ATXN2L: variants seen among roughly 807,000 people sequenced by gnomAD.
ATXN2L encodes ataxin-2-like protein.
A neutral mutation model predicts 120.7 loss-of-function variants in ATXN2L; 24 were observed. The ratio of observed to expected loss-of-function variants is 0.20; its 90% confidence interval spans 0.14 to 0.28. The LOEUF (loss-of-function observed/expected upper bound fraction) is 0.28. Among genes scored for constraint, ATXN2L ranks in the 10% least tolerant of loss-of-function variants. The pLI is 1.00. For synonymous variants in ATXN2L, 653 were observed against 568.1 expected (o/e 1.15, Z -2.13); for missense variants, 1,312 against 1,432.3 (o/e 0.92, Z 1.36).
intron 1 of ATXN2L, 73 bp downstream of exon 1, chr16:28,823,631 C>T (rs1567391005): frequency 6.4e-6 from 8 of 1,242,598 alleles, no homozygotes; most frequent in Non-Finnish European, 8.1e-6. Flanking sequence ...GTGGGGCGGA[C>T]CCCGACCCGG....
At chr16:28,829,745 G>A (rs1458993108) in intron 7 of ATXN2L, 113 bp from the exon 8 acceptor site, 14 of 1,156,956 alleles carry the variant, frequency 1.2e-5, no homozygotes, top group Non-Finnish European at 1.7e-5. Context: ...ATGTTGAAGG[G>A]ATTAAATACT....
In ATXN2L at chr16:28,825,484, G is replaced by A. The variant is rs2051543503; in HGVS notation, c.336+82G>A. 3 of 1,542,268 alleles carry A rather than the reference G, an allele frequency of 1.9e-6. 1 individual carries two copies. The African/African-American group carries it at 4.1e-5, about 21-fold the overall frequency. The stretch of plus-strand genomic sequence containing the variant: ...GGGAATATAGGGCACATTAGGTCTA[G>A]ATAGAGTCTAATGTACTCAGGAGGG... On this transcript the variant is annotated intron_variant, in intron 2 of 21. Coordinates refer to ENST00000336783, the MANE Select transcript of ATXN2L (RefSeq NM_007245.4).
At chr16:28,825,568 A>T (rs1438728734) in intron 2 of ATXN2L, 56 bp from the exon 3 acceptor site, 6 of 1,585,822 alleles carry the variant, frequency 3.8e-6, no homozygotes, top group Non-Finnish European at 5.2e-6. Flanking sequence ...TTTAGAAAAG[A>T]AAATGAGGTG....
rs1380764213 is a variant in ATXN2L at position 28,834,077 on chromosome 16, A to G, written c.2038A>G (p.Ser680Gly). The G allele has an allele frequency of 6.2e-7, 1 of 1,613,402 alleles. No homozygotes were observed. Among genetic ancestry groups the G allele is most frequent in the African/African-American group, 1.3e-5 (1 of 74,884 alleles). ...KPLLSVNKSTSTPTSPGPRTH... is the reference protein window; with the variant it reads ...KPLLSVNKSTGTPTSPGPRTH... Reference sequence around the variant, plus strand: ...CTTGTTTTTGCAGAATAAATCCACCAGTACCCCAACTTCTCCGGGGCCCCG... The same window carrying G: ...CTTGTTTTTGCAGAATAAATCCACCGGTACCCCAACTTCTCCGGGGCCCCG... The change falls in exon 16 of 22, where the codon AGT becomes GGT. Residue 680 changes from serine to glycine, a missense_variant. Transcript: ENST00000336783.
At chr16:28,826,456 G>A (rs2052017165) in intron 5 of ATXN2L, 66 bp downstream of exon 5, 1 of 1,542,158 alleles carries the variant, frequency 6.5e-7, no homozygotes, top group Non-Finnish European at 8.9e-7. Context: ...TAGTTTGTGT[G>A]CAGGTGGAAC....
rs756972784 is a variant in ATXN2L at position 28,832,877 on chromosome 16, C to A, written c.1649C>A (p.Ala550Asp). Residue 550 changes from alanine (A) to aspartate (D), a missense_variant, in exon 13 of 22, where the codon GCC becomes GAC. Ala to Asp is a moderately radical substitution (Grantham distance 126). Transcript: ENST00000336783. Reference protein sequence around the residue: ...FQLEELRKFGAQFKLQPSSSP... With the variant: ...FQLEELRKFGDQFKLQPSSSP... ...CTGGAAGAACTGAGAAAGTTTGGGG[C>A]CCAGTTTAAGGTGAGAGAAGAGTGA... is the stretch of plus-strand genomic sequence containing the variant. 6.2e-7 allele frequency: 1 copy of A among 1,614,048 alleles called. No individual in the cohort carries two copies. The highest frequency in any genetic ancestry group is 1.1e-5 in the South Asian group (1 of 91,080).
intron 8 of ATXN2L, among the ~76,000 whole-genome samples, chr16:28,830,391 G>A (rs750433965): frequency 6.6e-6 from 1 of 152,190 alleles, no homozygotes; most frequent in East Asian, 1.9e-4. Context: ...GAATTGTGGA[G>A]CACTGGCCAG....
At position 28,836,865 on chromosome 16, in the gene ATXN2L, GCCC is replaced by G; in HGVS notation, c.*604_*606del. Reference sequence around the variant, plus strand: ...CCCCCAGCAGCTCGGACCACTCCCAGCCCCCCATCCCCCCGTTCCCCAGGGGAG... The same window carrying G: ...CCCCCAGCAGCTCGGACCACTCCCAGCCCATCCCCCCGTTCCCCAGGGGAG... On this transcript the variant is annotated 3_prime_UTR_variant, in exon 22 of 22. Transcript: ENST00000336783. 2.8e-6 allele frequency: 4 copies of G among 1,406,088 alleles called. No homozygotes were observed. The highest frequency in any genetic ancestry group is 3.0e-6 in the Non-Finnish European group (3 of 1,006,272). The allele number at this position is 1,406,088 out of a possible 1,614,324, so 87.1% of individuals were successfully genotyped here.
In ATXN2L at chr16:28,830,779, G is replaced by A; in HGVS notation, c.1199G>A (p.Gly400Asp). 6.2e-7 allele frequency: 1 copy of A among 1,602,694 alleles called. No individual in the cohort carries two copies. The highest frequency in any genetic ancestry group is 8.5e-7 in the Non-Finnish European group (1 of 1,175,408). The change falls in exon 9 of 22, where the codon GGT becomes GAT. Residue 400 changes from glycine to aspartate, a missense_variant. Gly to Asp is a moderately conservative substitution (Grantham distance 94). Coordinates refer to ENST00000336783, the MANE Select transcript of ATXN2L (RefSeq NM_007245.4). ...SSPGPGSEAR[G>D]INGGPSRMSP... ...CCTGGCCCAGGTTCTGAGGCCCGTGGTATCAATGGAGGTGAGTTATGAGGT... is the reference window on the plus strand; with the variant it reads ...CCTGGCCCAGGTTCTGAGGCCCGTGATATCAATGGAGGTGAGTTATGAGGT...
chr16:28,830,715 T>G lies in ATXN2L; in HGVS notation c.1135T>G (p.Leu379Val). The change falls in exon 9 of 22, where the codon TTG becomes GTG. Residue 379 changes from leucine to valine, a missense_variant. Leu to Val is a conservative substitution (Grantham distance 32, BLOSUM62 1). Coordinates refer to ENST00000336783, the MANE Select transcript of ATXN2L (RefSeq NM_007245.4). ...SRGGRPGLSS[L>V]PPRGPHHLDN... ...GGGCGGTCGGCCTGGCCTTAGCTCT[T>G]TGCCACCTCGTGGCCCTCACCATCT... is the stretch of plus-strand genomic sequence containing the variant. 6 of 1,613,778 alleles carry G rather than the reference T, an allele frequency of 3.7e-6. No individual in the cohort carries two copies. Among genetic ancestry groups the G allele is most frequent in the Non-Finnish European group, 5.1e-6 (6 of 1,179,910 alleles).
At position 28,834,215 on chromosome 16, in the gene ATXN2L, T is replaced by C. The variant is rs1567430975; in HGVS notation, c.2172+4T>C. ...CCACATGGGACCAGCTGTGCAGGTA[T>C]GCAGAGAGACTGGCCGGGCCCAGGG... On this transcript the variant is annotated splice_donor_region_variant and intron_variant, in intron 16 of 21. Transcript: ENST00000336783. 1 of 1,613,072 alleles carries C rather than the reference T, an allele frequency of 6.2e-7. No individual in the cohort carries two copies. The highest frequency in any genetic ancestry group is 1.7e-5 in the Admixed American group (1 of 59,970).
chr16:28,823,750 C>G, intron 1 of ATXN2L, 192 bp downstream of exon 1: 1 of 523,734 alleles, frequency 1.9e-6, no homozygotes, highest in African/African-American at 2.0e-5. Context: ...CACCGGAGCA[C>G]TGAGGGGCCG....
chr16:28,833,891 CT>C (rs1316558042), intron 15 of ATXN2L, 173 bp from the exon 16 acceptor site: 7 of 794,236 alleles, frequency 8.8e-6, no homozygotes, highest in African/African-American at 1.8e-5. Flanking sequence ...TCTGCCTCAC[CT>C]GTAACTTTAG....
chr16:28,835,383 C>T lies in ATXN2L; in HGVS notation c.2669C>T (p.Ala890Val). ...TGSQPQSQHA[A>V]PSPVQHQAGQ... is the part of the protein sequence containing the mutation. ...AGCCAGCCGCAGTCCCAGCATGCGG[C>T]CCCCAGTCCTGTCCAGGTGCCTGCC... Residue 890 changes from alanine (A) to valine (V), a missense_variant, in exon 20 of 22, where the codon GCC (alanine) becomes GTC (valine). Transcript: ENST00000336783. The T allele has an allele frequency of 4.3e-6, 7 of 1,612,784 alleles. No individual in the cohort carries two copies. Among genetic ancestry groups the T allele is most frequent in the Non-Finnish European group, 5.9e-6 (7 of 1,179,946 alleles).
chr16:28,830,541 G>T, intron 8 of ATXN2L, 74 bp from the exon 9 acceptor site: 9 of 1,412,496 alleles, frequency 6.4e-6, no homozygotes, highest in Non-Finnish European at 8.6e-6. Context: ...GGAGACTTTA[G>T]AAGAAGAAAT....
chr16:28,826,490 T>TTTTG lies in ATXN2L; in HGVS notation c.616+104_616+107dup. ...ACATGGTGATGTGTTTGGTTTGTTT[T>TTTTG]TTTGTTTTTGTTTGTTTGTTTTGCT... On this transcript the variant is annotated intron_variant, in intron 5 of 21. Coordinates refer to ENST00000336783, the MANE Select transcript of ATXN2L (RefSeq NM_007245.4). 3.6e-6 allele frequency: 5 copies of TTTTG among 1,377,630 alleles called. 1 individual carries two copies. In the South Asian group the frequency reaches 7.0e-5, roughly 19 times the overall value. The allele number at this position is 1,377,630 out of a possible 1,614,324, so 85.3% of individuals were successfully genotyped here.
rs1018622501 is a variant in ATXN2L at position 28,825,567 on chromosome 16, G to A, written c.337-57G>A. On this transcript the variant is annotated intron_variant, in intron 2 of 21. Coordinates refer to ENST00000336783, the MANE Select transcript of ATXN2L (RefSeq NM_007245.4). ...TAGAGTGCGGCGGGCATTTAGAAAA[G>A]AAAATGAGGTGTTGACTGATTACTC... 6 of 1,585,014 alleles carry A rather than the reference G, an allele frequency of 3.8e-6. No homozygotes were observed. The African/African-American group carries it at 8.1e-5, about 21-fold the overall frequency.
chr16:28,823,601 G>C (rs993029576), intron 1 of ATXN2L, 43 bp downstream of exon 1: 4 of 1,293,708 alleles, frequency 3.1e-6, no homozygotes, highest in East Asian at 6.3e-5. Flanking sequence ...CGGCCACCCA[G>C]AGGCTGTGGC....
At position 28,823,437 on chromosome 16, in the gene ATXN2L, G is replaced by A; in HGVS notation, c.178G>A (p.Gly60Arg). The change falls in exon 1 of 22, where the codon GGG becomes AGG. Residue 60 changes from glycine to arginine, a missense_variant. Transcript: ENST00000336783. ...TCCAGCGGCCGCCTCCCCCTGCCTG[G>A]GGCCTGTGGCCGCTGCCGGGAGCGG... is the stretch of plus-strand genomic sequence containing the variant. ...GPPAAASPCL[G>R]PVAAAGSGLR... The A allele has an allele frequency of 1.5e-6, 2 of 1,320,118 alleles. No individual in the cohort carries two copies. Among genetic ancestry groups the A allele is most frequent in the Non-Finnish European group, 1.9e-6 (2 of 1,041,150 alleles). 81.8% of individuals were successfully genotyped at this position (1,320,118 alleles called of 1,614,324 possible).
Sources: gnomAD v4.1 joint callset for allele counts (sites outside exome capture counted in the v4.1 genomes callset) on GRCh38, gnomAD v4.1.1 for gene constraint, MANE v1.5 for transcripts, NCBI Gene and HGNC (gene_info 2026-07-23, HGNC 2026-07-21) for gene names.